The following WWOX variants were observed in gnomAD, a reference collection of about 807,000 sequenced individuals.
WWOX encodes WW domain-containing oxidoreductase.
Under a neutral mutation model 46.2 loss-of-function variants are expected in WWOX, and 69 were observed. The ratio of observed to expected loss-of-function variants is 1.49; its 90% confidence interval spans 1.23 to 1.82. The LOEUF is 1.82. Ranked by LOEUF, WWOX falls within the 40% of genes most tolerant of loss-of-function variation. The pLI is 0.00. For synonymous variants in WWOX, 359 were observed against 202.6 expected (o/e 1.77, Z -6.56); for missense variants, 919 against 542.6 (o/e 1.69, Z -6.89).
At chr16:78,776,737 G>A (rs1350148666) in intron 8 of WWOX, among the ~76,000 whole-genome samples, 2 of 152,156 alleles carry the variant, frequency 1.3e-5, no homozygotes, top group Non-Finnish European at 1.5e-5. Context: ...CGATCATGGT[G>A]GAAAGGAAGC....
At chr16:78,539,748 A>G (rs1313491413) in intron 8 of WWOX, among the ~76,000 whole-genome samples, 2 of 152,208 alleles carry the variant, frequency 1.3e-5, no homozygotes, top group African/African-American at 2.4e-5. Context: ...AGTAATGCTA[A>G]TGTCGGGGTG....
intron 8 of WWOX, chr16:78,535,220 G>A (rs747139903): frequency 6.6e-6 from 1 of 152,204 alleles, no homozygotes; most frequent in Non-Finnish European, 1.5e-5. Context: ...AGGGAGATAA[G>A]ATCACCTGCT....
intron 4 of WWOX, among the ~76,000 whole-genome samples, chr16:78,149,850 G>A (rs766868955): frequency 6.6e-6 from 1 of 152,144 alleles, no homozygotes; most frequent in Non-Finnish European, 1.5e-5. Flanking sequence ...TCTAGTGTGT[G>A]CTCTTAACCC....
intron 8 of WWOX, among the ~76,000 whole-genome samples, chr16:79,190,662 G>A (rs923747338): frequency 6.6e-6 from 1 of 152,196 alleles, no homozygotes; most frequent in Non-Finnish European, 1.5e-5. Flanking sequence ...TAACTACTTG[G>A]CATTAGGTAG....
intron 8 of WWOX, among the ~76,000 whole-genome samples, chr16:78,757,367 A>T (rs1407177951): frequency 6.6e-6 from 1 of 152,034 alleles, no homozygotes; most frequent in African/African-American, 2.4e-5. Context: ...CATGACCACC[A>T]TTTAGAGGGA....
intron 8 of WWOX, among the ~76,000 whole-genome samples, chr16:78,711,092 A>T (rs1218455236): frequency 6.6e-6 from 1 of 152,136 alleles, no homozygotes; most frequent in Non-Finnish European, 1.5e-5. Flanking sequence ...AAGAGAGATT[A>T]CTTCCAACAC....
At chr16:78,956,720 T>C (rs2046174509) in intron 8 of WWOX, among the ~76,000 whole-genome samples, 1 of 152,210 alleles carries the variant, frequency 6.6e-6, no homozygotes, top group African/African-American at 2.4e-5. Context: ...TTTTGTGTTT[T>C]TGAGTTTCAA....
intron 8 of WWOX, among the ~76,000 whole-genome samples, chr16:78,604,613 C>T (rs1168368412): frequency 6.6e-6 from 1 of 151,644 alleles, no homozygotes; most frequent in Non-Finnish European, 1.5e-5. Context: ...CCTTTTTCTT[C>T]AATGTTAAAT....
At chr16:78,576,432 G>C (rs940210262) in intron 8 of WWOX, among the ~76,000 whole-genome samples, 2 of 152,150 alleles carry the variant, frequency 1.3e-5, no homozygotes, top group African/African-American at 4.8e-5. Context: ...CACTTTCCTT[G>C]TCTGGAGGCG....
At chr16:78,139,954 C>G (rs538349521) in intron 4 of WWOX, among the ~76,000 whole-genome samples, 106 of 152,262 alleles carry the variant, frequency 7.0e-4, no homozygotes, top group Non-Finnish European at 1.3e-3. Flanking sequence ...CTTCTGACCC[C>G]GTTGGACAAG....
At chr16:78,751,463 A>ATG (rs1263712943) in intron 8 of WWOX, among the ~76,000 whole-genome samples, 1 of 111,898 alleles carries the variant, frequency 8.9e-6, no homozygotes, top group Non-Finnish European at 1.7e-5. Context: ...ATCAGATTTT[A>ATG]TATATATATA....
chr16:78,343,795 C>G (rs13338872), intron 5 of WWOX, among the ~76,000 whole-genome samples: 26,975 of 119,552 alleles, frequency 0.23, 8,637 homozygotes, highest in African/African-American at 0.37. Context: ...GTGACTTGCT[C>G]TCAGTTCTTT....
rs546876347 is a variant in WWOX, at chr16:78,293,187, C to G, written c.517-93673C>G. On this transcript the variant is annotated intron_variant, in intron 5 of 8. Coordinates refer to ENST00000566780, the MANE Select transcript of WWOX (RefSeq NM_016373.4). ...GTGTGGCTCCAGGCAAGTGGCCACACCTCTTTGAGCCACTAGTTAACTCAG... is the reference window on the plus strand; with the variant it reads ...GTGTGGCTCCAGGCAAGTGGCCACAGCTCTTTGAGCCACTAGTTAACTCAG... Among the ~76,000 whole-genome samples the G allele has an allele frequency of 2.3e-3, 354 of 152,322 alleles. 1 individual carries two copies. Among genetic ancestry groups the G allele is most frequent in the Middle Eastern group, 0.014 (4 of 294 alleles).
At position 78,951,883 on chromosome 16, in the gene WWOX, G is replaced by A. The variant is rs998126338; in HGVS notation, c.1057-259725G>A. Among the ~76,000 whole-genome samples, 4 of 152,308 alleles carry A rather than the reference G, an allele frequency of 2.6e-5. 1 individual carries two copies. The highest frequency in any genetic ancestry group is 9.6e-5 in the African/African-American group (4 of 41,558). ...CAGATAGCAACACTCTTCAATGGAT[G>A]TGGGTGAGAGGACAGTGGAATCCAG... On this transcript the variant is annotated intron_variant, in intron 8 of 8. Coordinates refer to ENST00000566780, the MANE Select transcript of WWOX (RefSeq NM_016373.4).
chr16:78,535,909 A>G (rs1403266444), intron 8 of WWOX, among the ~76,000 whole-genome samples: 1 of 152,162 alleles, frequency 6.6e-6, no homozygotes, highest in Admixed American at 6.5e-5. Context: ...AGTGGGGATA[A>G]TTTATTGACA....
chr16:78,567,346 C>G (rs1396198609), intron 8 of WWOX, among the ~76,000 whole-genome samples: 2 of 151,580 alleles, frequency 1.3e-5, no homozygotes, highest in Non-Finnish European at 2.9e-5. Context: ...GAGATCGAGA[C>G]CATCCTGGTT....
intron 8 of WWOX, among the ~76,000 whole-genome samples, chr16:78,793,028 C>T (rs932808412): frequency 3.3e-5 from 5 of 152,260 alleles, no homozygotes; most frequent in African/African-American, 4.8e-5. Context: ...TCCTTGCCCC[C>T]GCTGCCCCCT....
In WWOX at chr16:78,897,271, A is replaced by G. The variant is rs531845123; in HGVS notation, c.1057-314337A>G. 8.3e-5 allele frequency: 12 copies of G among 145,368 alleles called. No individual in the cohort carries two copies. The East Asian group carries it at 2.0e-3, about 25-fold the overall frequency. 9.0% of individuals were successfully genotyped at this position (145,368 alleles called of 1,614,324 possible). On this transcript the variant is annotated intron_variant, in intron 8 of 8. Transcript: ENST00000566780. ...AAAAAAAAAAAAAAAAAAAAACCAA[A>G]AAAACAAAAACAAGAACATTCCCAT... is the stretch of plus-strand genomic sequence containing the variant.
intron 8 of WWOX, chr16:78,526,568 G>T (rs9923830): frequency 3.3e-4 from 50 of 152,214 alleles, no homozygotes; most frequent in South Asian, 1.2e-3. Flanking sequence ...GGGCAAACAG[G>T]TGTCCCCCAG....
Sources: allele counts gnomAD v4.1 joint callset (sites outside exome capture counted in the v4.1 genomes callset), GRCh38; gene constraint gnomAD v4.1.1; transcripts MANE v1.5; gene names NCBI Gene and HGNC (gene_info 2026-07-23, HGNC 2026-07-21).